The following KIDINS220 variants were observed in gnomAD, a reference collection of about 807,000 sequenced individuals.
The protein encoded by KIDINS220 is kinase D-interacting substrate of 220 kDa.
KIDINS220 carries 63 observed loss-of-function variants against 157.6 expected under a neutral mutation model. That is an observed-to-expected ratio of 0.40 (90% CI 0.33 to 0.49). The LOEUF (loss-of-function observed/expected upper bound fraction) is 0.49, where lower values mean the gene tolerates loss of function less well. Among genes scored for constraint, KIDINS220 ranks in the 20% least tolerant of loss-of-function variants. The pLI is 0.66. For missense variants in KIDINS220, 1,772 were observed against 2,171.2 expected (o/e 0.82, Z 3.65); for synonymous variants, 732 against 783.6 (o/e 0.93, Z 1.10).
Position 8,747,658 on chromosome 2 carries a change from G to A in KIDINS220, c.3528+229C>T. 5.3e-6 allele frequency: 2 copies of A among 374,348 alleles called. 1 individual carries two copies. The highest frequency in any genetic ancestry group is 1.2e-4 in the South Asian group (2 of 17,296). The allele number at this position is 374,348 out of a possible 1,614,324, so 23.2% of individuals were successfully genotyped here. ...ACTATATTACAAGCCAGAAATTTCT[G>A]GCTATAAACAAGTCAACATTTCTTC... On this transcript the variant is annotated intron_variant, in intron 25 of 29. Transcript: ENST00000256707.
Position 8,776,805 on chromosome 2 carries a change from A to T in KIDINS220, c.2791T>A (p.Phe931Ile), listed in dbSNP as rs779372842. 1 of 1,614,130 alleles carries T rather than the reference A, an allele frequency of 6.2e-7. No homozygotes were observed. Among genetic ancestry groups the T allele is most frequent in the Non-Finnish European group, 8.5e-7 (1 of 1,179,984 alleles). The change falls in exon 21 of 30, where the codon TTC (phenylalanine) becomes ATC (isoleucine). Residue 931 changes from phenylalanine (F) to isoleucine (I), a missense_variant. Coordinates refer to ENST00000256707, the MANE Select transcript of KIDINS220 (RefSeq NM_020738.4). The part of the protein sequence containing the change: ...LTKLLVTEDW[F>I]SDISPQTMRR... Reference sequence around the variant, plus strand: ...ATGGTCTGGGGACTGATGTCACTGAACCAGTCCTCGGTAACCAGCAGTTTT... The same window carrying T: ...ATGGTCTGGGGACTGATGTCACTGATCCAGTCCTCGGTAACCAGCAGTTTT...
Position 8,785,924 on chromosome 2 carries a change from A to G in KIDINS220, c.2046T>C (p.Val682=), listed in dbSNP as rs1163780808. The change falls in exon 17 of 30, where the codon GTT becomes GTC. Residue 682 remains valine, a synonymous_variant. Transcript: ENST00000256707. ...CATTTACAGTCAGATGCTTTGGGTC[A>G]ACTCTAAATATAGCCAGAAGAGTAA... ...SGITLLAIFR[V]DPKHLTVNAV... is the part of the protein sequence containing the mutation. 1.2e-6 allele frequency: 2 copies of G among 1,614,080 alleles called. No individual in the cohort carries two copies. Among genetic ancestry groups the G allele is most frequent in the African/African-American group, 2.7e-5 (2 of 74,934 alleles).
chr2:8,728,644 CCTTTTCTAT>C (rs1403790649), downstream of KIDINS220, among the ~76,000 whole-genome samples: 1 of 152,230 alleles, frequency 6.6e-6, no homozygotes, highest in Non-Finnish European at 1.5e-5. Context: ...GGATAACCTA[CCTTTTCTAT>C]CTACAGGAAC....
rs764748611 is a variant in KIDINS220, at chr2:8,751,660, C to T, written c.3012-16G>A. 15 of 1,546,656 alleles carry T rather than the reference C, an allele frequency of 9.7e-6. No individual in the cohort carries two copies. Among genetic ancestry groups the T allele is most frequent in the African/African-American group, 1.4e-5 (1 of 72,402 alleles). ...CTTTGATATTCTTCAAATAAGAAAT[C>T]AATGAAAAAGGTTATTAATGTCACT... On this transcript the variant is annotated splice_polypyrimidine_tract_variant and intron_variant, in intron 22 of 29. Transcript: ENST00000256707.
rs1292370194 is a variant in KIDINS220 at position 8,750,189 on chromosome 2, C to G, written c.3337G>C (p.Gly1113Arg). 1 of 1,614,086 alleles carries G rather than the reference C, an allele frequency of 6.2e-7. No individual in the cohort carries two copies. The highest frequency in any genetic ancestry group is 1.3e-5 in the African/African-American group (1 of 74,926). ...SSTSFNGPFA[G>R]GVVSPQPHSS... ...TGAGGCTGTGGTGACACCACTCCAC[C>G]TGCGAAGGGCCCATTGAAGGACGTG... Residue 1113 changes from glycine (G) to arginine (R), a missense_variant, in exon 24 of 30, where the codon GGT (glycine) becomes CGT (arginine). Gly to Arg is a moderately radical substitution (Grantham distance 125). Around this residue, in one of 3 missense-constraint regions of KIDINS220, gnomAD observed 793 missense variants for 885.5 expected, o/e 0.90. Transcript: ENST00000256707.
chr2:8,820,069 G>A (rs1408832840), intron 2 of KIDINS220, among the ~76,000 whole-genome samples: 1 of 152,052 alleles, frequency 6.6e-6, no homozygotes, highest in African/African-American at 2.4e-5. Flanking sequence ...TTTTCCCATA[G>A]TTCTTCTGGA....
intron 22 of KIDINS220, among the ~76,000 whole-genome samples, chr2:8,766,208 T>G (rs2148136337): frequency 6.6e-6 from 1 of 152,264 alleles, no homozygotes; most frequent in African/African-American, 2.4e-5. Context: ...CTTGCTTCAC[T>G]GCACCCCATC....
intron 22 of KIDINS220, among the ~76,000 whole-genome samples, chr2:8,759,820 C>T (rs1437171586): frequency 1.3e-5 from 2 of 152,104 alleles, no homozygotes; most frequent in Non-Finnish European, 2.9e-5. Flanking sequence ...AACGAAGTGG[C>T]TGAATACCTA....
At chr2:8,837,193 C>G (rs1680541445) in intron 1 of KIDINS220, among the ~76,000 whole-genome samples, 1 of 152,196 alleles carries the variant, frequency 6.6e-6, no homozygotes, top group East Asian at 1.9e-4. Context: ...CCCTTCACCC[C>G]AACCCACCCG....
chr2:8,757,947 C>T (rs756550891), intron 22 of KIDINS220, among the ~76,000 whole-genome samples: 1 of 152,206 alleles, frequency 6.6e-6, no homozygotes, highest in Non-Finnish European at 1.5e-5. Context: ...ACTGCAACCC[C>T]TGCCTCCTGG....
intron 25 of KIDINS220, 30 bp from the exon 26 acceptor site, chr2:8,747,231 G>T (rs531981864): frequency 1.2e-6 from 2 of 1,607,176 alleles, no homozygotes; most frequent in East Asian, 4.5e-5. Flanking sequence ...GAGTGTGGGT[G>T]AAAAGGGGAA....
At chr2:8,815,623 T>C (rs1490950754) in intron 4 of KIDINS220, among the ~76,000 whole-genome samples, 1 of 152,010 alleles carries the variant, frequency 6.6e-6, no homozygotes, top group African/African-American at 2.4e-5. Flanking sequence ...GAGCCAAGAT[T>C]GTGCCACTGT....
At chr2:8,797,890 C>G (rs7602942) in intron 10 of KIDINS220, among the ~76,000 whole-genome samples, 24,512 of 152,122 alleles carry the variant, frequency 0.16, 2,070 homozygotes, top group Middle Eastern at 0.22. Context: ...ACGCCATCTC[C>G]CCACAAAGGA....
intron 11 of KIDINS220, among the ~76,000 whole-genome samples, chr2:8,795,010 G>A (rs1167595615): frequency 6.6e-6 from 1 of 152,188 alleles, no homozygotes; most frequent in Non-Finnish European, 1.5e-5. Flanking sequence ...ACCTTAAGTA[G>A]CTTATGTCGT....
chr2:8,731,786 T>A lies in KIDINS220; in HGVS notation c.4250A>T (p.Tyr1417Phe). ...GCCCCCTGATGAACTCTGACCCATG[T>A]AATATGTGCTATGTGGAGAAGATCT... Reference protein sequence around the residue: ...SGRSSPHSTYYMGQSSSGGSI... With the variant: ...SGRSSPHSTYFMGQSSSGGSI... Residue 1417 changes from tyrosine (Y) to phenylalanine (F), a missense_variant, in exon 30 of 30, where the codon TAC becomes TTC. This residue lies in a region of KIDINS220 where 793 missense variants were observed against 885.5 expected (regional missense o/e 0.90). Coordinates refer to ENST00000256707, the MANE Select transcript of KIDINS220 (RefSeq NM_020738.4). The surrounding 1 kb of genome is among the most constrained non-coding windows in gnomAD (Gnocchi z 5.2). 1 of 1,614,108 alleles carries A rather than the reference T, an allele frequency of 6.2e-7. No homozygotes were observed. The highest frequency in any genetic ancestry group is 8.5e-7 in the Non-Finnish European group (1 of 1,180,002).
chr2:8,751,887 T>TA (rs1667410284), intron 22 of KIDINS220, among the ~76,000 whole-genome samples: 1 of 152,080 alleles, frequency 6.6e-6, no homozygotes, highest in South Asian at 2.1e-4. Flanking sequence ...GTATTATTAG[T>TA]AGAGACGGGG....
At chr2:8,781,956 T>A (rs1404586553) in intron 17 of KIDINS220, among the ~76,000 whole-genome samples, 1 of 151,824 alleles carries the variant, frequency 6.6e-6, no homozygotes, top group African/African-American at 2.4e-5. Context: ...ACCCTATATC[T>A]ACAAAAATTA....
chr2:8,784,010 A>G (rs186574623), intron 17 of KIDINS220, among the ~76,000 whole-genome samples: 1 of 152,282 alleles, frequency 6.6e-6, no homozygotes, highest in African/African-American at 2.4e-5. Context: ...ACACTACCCA[A>G]CTTCAAGAAA....
chr2:8,726,848 A>G (rs1262668694), downstream of KIDINS220: 4 of 1,114,664 alleles, frequency 3.6e-6, no homozygotes, highest in Admixed American at 2.3e-5. Flanking sequence ...AACGTGGCAT[A>G]TGACTGCAGC....
Sources: allele counts gnomAD v4.1 joint callset (sites outside exome capture counted in the v4.1 genomes callset), GRCh38; gene constraint gnomAD v4.1.1; regional missense constraint gnomAD v4.1.1; non-coding constraint Gnocchi (gnomAD v3.1); transcripts MANE v1.5; gene names NCBI Gene and HGNC (gene_info 2026-07-23, HGNC 2026-07-21).